Variants in MRPS31 observed in about 807,000 individuals in gnomAD.
MRPS31 encodes mitochondrial ribosomal protein S31.
Under a neutral mutation model 43.1 loss-of-function variants are expected in MRPS31, and 32 were observed. The observed-to-expected ratio is 0.74, with a 90% CI of 0.56 to 1.00. The LOEUF is 1.00. Ranked by LOEUF, MRPS31 falls within the 50% of genes least tolerant of loss-of-function variation. The pLI is 0.00. For missense variants in MRPS31, 437 were observed against 466.7 expected (o/e 0.94, Z 0.59); for synonymous variants, 165 against 161.6 (o/e 1.02, Z -0.16).
intron 2 of MRPS31, among the ~76,000 whole-genome samples, chr13:40,766,277 T>G (rs1880842595): frequency 6.6e-6 from 1 of 151,836 alleles, no homozygotes; most frequent in East Asian, 1.9e-4. Flanking sequence ...ACAGCATTTC[T>G]CAAGTAATTA....
At chr13:40,742,511 C>G (rs191863856) in intron 6 of MRPS31, among the ~76,000 whole-genome samples, 72 of 152,268 alleles carry the variant, frequency 4.7e-4, no homozygotes, top group Admixed American at 4.7e-3. Flanking sequence ...ATAATCTCAT[C>G]AAAAACAACA....
chr13:40,755,534 C>T (rs192444307), intron 4 of MRPS31, among the ~76,000 whole-genome samples: 2 of 152,140 alleles, frequency 1.3e-5, no homozygotes, highest in Non-Finnish European at 2.9e-5. Context: ...ATAAAAGGTG[C>T]CCCAGTCACA....
At chr13:40,762,159 T>C (rs879482029) in intron 2 of MRPS31, among the ~76,000 whole-genome samples, 12 of 151,620 alleles carry the variant, frequency 7.9e-5, no homozygotes, top group South Asian at 4.2e-4. Context: ...GGTGGGAGGA[T>C]TGCTTGAGCC....
At chr13:40,740,045 C>T (rs879352080) in intron 6 of MRPS31, among the ~76,000 whole-genome samples, 6,414 of 149,360 alleles carry the variant, frequency 0.043, 275 homozygotes, top group East Asian at 0.13. Context: ...ACTCATCTGA[C>T]AAAGGGCTAA....
At position 40,763,990 on chromosome 13, in the gene MRPS31, G is replaced by A. The variant is rs879905245; in HGVS notation, c.440+2756C>T. On this transcript the variant is annotated intron_variant, in intron 2 of 6. Transcript: ENST00000323563. ...CTCAGACGATTCCAGATCCCAGCCCGGAATCTAGCTTAGCTAAAGATGAGT... is the reference window on the plus strand; with the variant it reads ...CTCAGACGATTCCAGATCCCAGCCCAGAATCTAGCTTAGCTAAAGATGAGT... Among the ~76,000 whole-genome samples, 58 of 152,240 alleles carry A rather than the reference G, an allele frequency of 3.8e-4. 1 individual carries two copies. The highest frequency in any genetic ancestry group is 2.5e-3 in the Admixed American group (38 of 15,296).
At chr13:40,760,756 C>T (rs1880673538) in intron 2 of MRPS31, among the ~76,000 whole-genome samples, 1 of 151,730 alleles carries the variant, frequency 6.6e-6, no homozygotes, top group Non-Finnish European at 1.5e-5. Flanking sequence ...CCAACTGCCA[C>T]CATGCTTGGC....
At chr13:40,729,677 G>T (rs1566102187) in intron 6 of MRPS31, 76 bp from the exon 7 acceptor site, 2 of 954,368 alleles carry the variant, frequency 2.1e-6, no homozygotes, top group African/African-American at 1.7e-5. Flanking sequence ...TATTAATGAG[G>T]TAATATAATA....
chr13:40,771,144 A>G lies in MRPS31; in HGVS notation c.-8T>C, dbSNP rs1227158388. On this transcript the variant is annotated 5_prime_UTR_variant, in exon 1 of 7. Transcript: ENST00000323563. ...CGAGACTCTAGGAAACATCGCCGAG[A>G]CACGAAATGAACCAAGAACACAACT... 1 of 1,595,278 alleles carries G rather than the reference A, an allele frequency of 6.3e-7. No homozygotes were observed. The highest frequency in any genetic ancestry group is 1.1e-5 in the South Asian group (1 of 89,404).
intron 4 of MRPS31, among the ~76,000 whole-genome samples, chr13:40,755,030 G>A (rs565328271): frequency 7.2e-5 from 11 of 152,204 alleles, no homozygotes; most frequent in South Asian, 2.1e-4. Context: ...GCGAGACTCC[G>A]TCTCGAAGAA....
chr13:40,732,366 T>G (rs956929670), intron 6 of MRPS31, among the ~76,000 whole-genome samples: 3 of 152,234 alleles, frequency 2.0e-5, no homozygotes, highest in African/African-American at 4.8e-5. Context: ...CTAGCGTAAG[T>G]GACAGACACC....
chr13:40,768,019 G>C (rs913295717), intron 1 of MRPS31, among the ~76,000 whole-genome samples: 1 of 152,100 alleles, frequency 6.6e-6, no homozygotes, highest in Non-Finnish European at 1.5e-5. Context: ...TTCTTCACTA[G>C]ATACATTTAT....
chr13:40,753,016 T>G (rs1293919332), intron 5 of MRPS31, among the ~76,000 whole-genome samples: 8 of 151,958 alleles, frequency 5.3e-5, no homozygotes. Context: ...CAACATTGTT[T>G]CTACCAATAT....
At chr13:40,763,703 T>C (rs1880765169) in intron 2 of MRPS31, among the ~76,000 whole-genome samples, 1 of 152,230 alleles carries the variant, frequency 6.6e-6, no homozygotes, top group Non-Finnish European at 1.5e-5. Flanking sequence ...GGGAGATCTA[T>C]CTTCCCTCCC....
At chr13:40,730,539 T>C (rs1879652353) in intron 6 of MRPS31, among the ~76,000 whole-genome samples, 1 of 152,002 alleles carries the variant, frequency 6.6e-6, no homozygotes, top group Non-Finnish European at 1.5e-5. Context: ...AATCAATCAA[T>C]AGGATAGCAA....
Position 40,767,030 on chromosome 13 carries a change from T to C in MRPS31, c.156A>G (p.Thr52=), listed in dbSNP as rs751783162. The change falls in exon 2 of 7, where the codon ACA becomes ACG. Residue 52 remains threonine (T), a synonymous_variant. Transcript: ENST00000323563. The part of the protein sequence containing the change: ...RYRSSALLAR[T]KNNIQRYFGT... ...CAAAATATCTTTGGATGTTATTTTT[T>C]GTCCTGGAAAGATGCATTAAAGAAA... The C allele has an allele frequency of 6.3e-7, 1 of 1,599,122 alleles. No homozygotes were observed. Among genetic ancestry groups the C allele is most frequent in the Non-Finnish European group, 8.5e-7 (1 of 1,174,980 alleles).
At chr13:40,749,920 C>A (rs1566107929) in intron 5 of MRPS31, among the ~76,000 whole-genome samples, 1 of 152,154 alleles carries the variant, frequency 6.6e-6, no homozygotes, top group African/African-American at 2.4e-5. Flanking sequence ...CTGCTGGGAA[C>A]ATAAAATGGT....
chr13:40,757,440 C>CTTTTT (rs11291870), intron 3 of MRPS31, among the ~76,000 whole-genome samples: 3 of 96,918 alleles, frequency 3.1e-5, no homozygotes, highest in Admixed American at 1.2e-4. Context: ...CTATGTCTTC[C>CTTTTT]TTTTTTTTTT....
At chr13:40,738,359 A>G (rs1455449351) in intron 6 of MRPS31, among the ~76,000 whole-genome samples, 1 of 152,220 alleles carries the variant, frequency 6.6e-6, no homozygotes, top group Non-Finnish European at 1.5e-5. Flanking sequence ...TACCAGAGGT[A>G]CAAGGAGGAA....
intron 6 of MRPS31, among the ~76,000 whole-genome samples, chr13:40,744,945 G>GGAGTCTTGCT (rs2138002110): frequency 6.8e-6 from 1 of 146,374 alleles, no homozygotes; most frequent in African/African-American, 2.5e-5. Flanking sequence ...TTTTTGAGAT[G>GGAGTCTTGCT]GAGTCTTGCT....
Sources: allele counts gnomAD v4.1 joint callset (sites outside exome capture counted in the v4.1 genomes callset), GRCh38; gene constraint gnomAD v4.1.1; transcripts MANE v1.5; gene names NCBI Gene and HGNC (gene_info 2026-07-23, HGNC 2026-07-21).